Variants in OR52N1 observed in about 807,000 individuals in gnomAD.
OR52N1 encodes olfactory receptor 52N1.
In OR52N1, 11 loss-of-function variants were observed where a neutral mutation model predicts 13.9. That is an observed-to-expected ratio of 0.79 (90% CI 0.50 to 1.31). OR52N1 has a LOEUF of 1.31. Ranked by LOEUF, OR52N1 falls within the 40% of genes most tolerant of loss-of-function variation. OR52N1 has a pLI of 0.00. For missense variants in OR52N1, 414 were observed against 397.7 expected (o/e 1.04, Z -0.35); for synonymous variants, 142 against 143.7 (o/e 0.99, Z 0.08).
chr11:5,788,851 A>C lies in OR52N1; in HGVS notation c.-35T>G. On this transcript the variant is annotated 5_prime_UTR_variant, in exon 2 of 2. Coordinates refer to ENST00000641645, the MANE Select transcript of OR52N1 (RefSeq NM_001001913.2). The stretch of plus-strand genomic sequence containing the variant: ...TGGAAGTTCATTGTATAGCAGTTAT[A>C]GCATTGCCTCTGTGAGCAGGAAATA... 2 of 1,531,866 alleles carry C rather than the reference A, an allele frequency of 1.3e-6. No individual in the cohort carries two copies. Among genetic ancestry groups the C allele is most frequent in the Non-Finnish European group, 1.7e-6 (2 of 1,147,216 alleles). 94.9% of individuals were successfully genotyped at this position (1,531,866 alleles called of 1,614,324 possible).
At position 5,788,856 on chromosome 11, in the gene OR52N1, T is replaced by G; in HGVS notation, c.-40A>C. On this transcript the variant is annotated 5_prime_UTR_variant, in exon 2 of 2. Transcript: ENST00000641645. Reference sequence around the variant, plus strand: ...GTTCATTGTATAGCAGTTATAGCATTGCCTCTGTGAGCAGGAAATAAAAAA... The same window carrying G: ...GTTCATTGTATAGCAGTTATAGCATGGCCTCTGTGAGCAGGAAATAAAAAA... The G allele has an allele frequency of 6.7e-7, 1 of 1,500,578 alleles. No individual in the cohort carries two copies. The allele number at this position is 1,500,578 out of a possible 1,614,324, so 93.0% of individuals were successfully genotyped here. A position where few individuals can be genotyped will look rare whatever the true frequency, so the allele number is the denominator to read the frequency against.
chr11:5,787,993 A>G lies in OR52N1; in HGVS notation c.824T>C (p.Ile275Thr), dbSNP rs1402246900. The change falls in exon 2 of 2, where the codon ATA becomes ACA. Residue 275 changes from isoleucine (I) to threonine (T), a missense_variant. Physicochemically the swap from Ile to Thr is moderately conservative, Grantham distance 89. Transcript: ENST00000641645. ...HFGGHTIPLH[I>T]HIIMANLYLL... ...GTAGAGATTAGCCATAATAATATGT[A>G]TGTGTAGAGGAATGGTGTGTCCCCC... The G allele has an allele frequency of 3.0e-6, 4 of 1,340,654 alleles. 1 individual carries two copies. The East Asian group carries it at 8.8e-5, about 30-fold the overall frequency. 83.0% of individuals were successfully genotyped at this position (1,340,654 alleles called of 1,614,324 possible). A position where few individuals can be genotyped will look rare whatever the true frequency, so the allele number is the denominator to read the frequency against.
intron 1 of OR52N1, among the ~76,000 whole-genome samples, chr11:5,789,110 G>A (rs1235927571): frequency 1.3e-5 from 2 of 152,060 alleles, no homozygotes; most frequent in African/African-American, 2.4e-5. Context: ...CCATTCTCCA[G>A]GCCAACGTTG....
intron 1 of OR52N1, among the ~76,000 whole-genome samples, chr11:5,790,627 A>T (rs1481588396): frequency 6.6e-6 from 1 of 152,072 alleles, no homozygotes; most frequent in Non-Finnish European, 1.5e-5. Flanking sequence ...CAGCTACTGT[A>T]ATCTGCACCC....
chr11:5,788,564 A>G lies in OR52N1; in HGVS notation c.253T>C (p.Phe85Leu), dbSNP rs1348038876. The G allele has an allele frequency of 6.2e-7, 1 of 1,613,674 alleles. No individual in the cohort carries two copies. The highest frequency in any genetic ancestry group is 1.1e-5 in the South Asian group (1 of 91,052). ...TCCTTGAGATTAAACCACAATATGA[A>G]GAGAGTGTTGGGAAGGGTGCTGGTG... The part of the protein sequence containing the change: ...MCTSTLPNTL[F>L]ILWFNLKEID... Residue 85 changes from phenylalanine (F) to leucine (L), a missense_variant, in exon 2 of 2, where the codon TTC (phenylalanine) becomes CTC (leucine). By Grantham distance (22) the Phe-to-Leu change is conservative (BLOSUM62 0). Coordinates refer to ENST00000641645, the MANE Select transcript of OR52N1 (RefSeq NM_001001913.2).
At position 5,787,941 on chromosome 11, in the gene OR52N1, A is replaced by G; in HGVS notation, c.876T>C (p.Pro292=). ...LYLLMPPTMN[P]IVYGVKTRQV... Reference sequence around the variant, plus strand: ...GCCTGGTTTTCACCCCATACACAATAGGGTTCATTGTGGGAGGCATTAGTA... The same window carrying G: ...GCCTGGTTTTCACCCCATACACAATGGGGTTCATTGTGGGAGGCATTAGTA... Residue 292 remains proline (P), a synonymous_variant, in exon 2 of 2, where the codon CCT becomes CCC. Transcript: ENST00000641645. The G allele has an allele frequency of 6.6e-7, 1 of 1,516,962 alleles. No homozygotes were observed. Among genetic ancestry groups the G allele is most frequent in the Non-Finnish European group, 9.0e-7 (1 of 1,110,470 alleles). The allele number at this position is 1,516,962 out of a possible 1,614,324, so 94.0% of individuals were successfully genotyped here.
At position 5,787,713 on chromosome 11, in the gene OR52N1, T is replaced by C. The variant is rs1450882853; in HGVS notation, c.*141A>G. 1.6e-5 allele frequency: 12 copies of C among 760,056 alleles called. 1 individual carries two copies. The highest frequency in any genetic ancestry group is 1.1e-4 in the East Asian group (4 of 38,072). The allele number at this position is 760,056 out of a possible 1,614,324, so 47.1% of individuals were successfully genotyped here. On this transcript the variant is annotated 3_prime_UTR_variant, in exon 2 of 2. Transcript: ENST00000641645. The stretch of plus-strand genomic sequence containing the variant: ...AGGGTATTTACCTATTTGAACATGA[T>C]GGTACCCTTTCCAAAGATGTAGAGT...
Position 5,788,101 on chromosome 11 carries a change from G to T in OR52N1, c.716C>A (p.Ala239Asp). ...SLSSADARQK[A>D]FSTCTAHFCA... ...GAAGTGGGCAGTGCAGGTGCTGAAG[G>T]CCTTCTGTCGAGCATCTGCTGATGA... The change falls in exon 2 of 2, where the codon GCC (alanine) becomes GAC (aspartate). Residue 239 changes from alanine (A) to aspartate (D), a missense_variant. By Grantham distance (126) the Ala-to-Asp change is moderately radical. Coordinates refer to ENST00000641645, the MANE Select transcript of OR52N1 (RefSeq NM_001001913.2). The T allele has an allele frequency of 6.2e-7, 1 of 1,614,026 alleles. No individual in the cohort carries two copies.
Position 5,788,705 on chromosome 11 carries a change from T to C in OR52N1, c.112A>G (p.Ser38Gly), listed in dbSNP as rs1854625189. 2 of 1,613,894 alleles carry C rather than the reference T, an allele frequency of 1.2e-6. No individual in the cohort carries two copies. The highest frequency in any genetic ancestry group is 2.2e-5 in the East Asian group (1 of 44,812). The change falls in exon 2 of 2, where the codon AGC (serine) becomes GGC (glycine). Residue 38 changes from serine to glycine, a missense_variant. Physicochemically the swap from Ser to Gly is moderately conservative, Grantham distance 56. Coordinates refer to ENST00000641645, the MANE Select transcript of OR52N1 (RefSeq NM_001001913.2). ...WISFPLCTMY[S>G]IAITGNFGLM... ...CCGAAGTTCCCTGTAATAGCAATGC[T>C]GTACATGGTACACAGTGGGAAGGAG...
chr11:5,789,671 C>G (rs1854635283), intron 1 of OR52N1, among the ~76,000 whole-genome samples: 1 of 151,998 alleles, frequency 6.6e-6, no homozygotes, highest in Non-Finnish European at 1.5e-5. Context: ...CTACCCATAT[C>G]AAAACTTCAG....
In OR52N1 at chr11:5,788,710, A is replaced by G. The variant is rs374600480; in HGVS notation, c.107T>C (p.Met36Thr). ...HLWISFPLCT[M>T]YSIAITGNFG... is the part of the protein sequence containing the mutation. ...GTTCCCTGTAATAGCAATGCTGTAC[A>G]TGGTACACAGTGGGAAGGAGATCCA... The change falls in exon 2 of 2, where the codon ATG (methionine) becomes ACG (threonine). Residue 36 changes from methionine to threonine, a missense_variant. Coordinates refer to ENST00000641645, the MANE Select transcript of OR52N1 (RefSeq NM_001001913.2). 24 of 1,613,764 alleles carry G rather than the reference A, an allele frequency of 1.5e-5. No homozygotes were observed. Among genetic ancestry groups the G allele is most frequent in the Non-Finnish European group, 1.9e-5 (23 of 1,179,950 alleles).
Position 5,788,642 on chromosome 11 carries a change from T to C in OR52N1, c.175A>G (p.Arg59Gly). ...AGGGCAAGGAAGACATACATAGGTCTGTGTAAGGCCTCATCACAGTAGATG... is the reference window on the plus strand; with the variant it reads ...AGGGCAAGGAAGACATACATAGGTCCGTGTAAGGCCTCATCACAGTAGATG... ...YLIYCDEALH[R>G]PMYVFLALLS... is the part of the protein sequence containing the mutation. The change falls in exon 2 of 2, where the codon AGA (arginine) becomes GGA (glycine). Residue 59 changes from arginine (R) to glycine (G), a missense_variant. By Grantham distance (125) the Arg-to-Gly change is moderately radical (BLOSUM62 -2). Coordinates refer to ENST00000641645, the MANE Select transcript of OR52N1 (RefSeq NM_001001913.2). The C allele has an allele frequency of 6.2e-7, 1 of 1,614,058 alleles. No individual in the cohort carries two copies. The highest frequency in any genetic ancestry group is 8.5e-7 in the Non-Finnish European group (1 of 1,179,982).
intron 1 of OR52N1, among the ~76,000 whole-genome samples, chr11:5,790,073 G>C (rs1397390044): frequency 6.6e-6 from 1 of 152,010 alleles, no homozygotes; most frequent in Non-Finnish European, 1.5e-5. Flanking sequence ...AACTAAGTAG[G>C]CTTTCTAATT....
rs1854616242 is a variant in OR52N1, at chr11:5,788,220, G to T, written c.597C>A (p.Ile199=). Residue 199 remains isoleucine (I), a synonymous_variant, in exon 2 of 2, where the codon ATC becomes ATA. Transcript: ENST00000641645. ...ISCGNVRVNA[I]YGLIVALLIG... ...TCAGCAGGGCAACTATCAAACCATA[G>T]ATGGCGTTAACCCTGACATTACCAC... 6.2e-7 allele frequency: 1 copy of T among 1,614,060 alleles called. No homozygotes were observed. Among genetic ancestry groups the T allele is most frequent in the Non-Finnish European group, 8.5e-7 (1 of 1,179,994 alleles).
rs1362316445 is a variant in OR52N1 at position 5,788,587 on chromosome 11, G to C, written c.230C>G (p.Thr77Ser). Residue 77 changes from threonine to serine, a missense_variant, in exon 2 of 2, where the codon ACC becomes AGC. Physicochemically the swap from Thr to Ser is moderately conservative, Grantham distance 58 (BLOSUM62 1). Coordinates refer to ENST00000641645, the MANE Select transcript of OR52N1 (RefSeq NM_001001913.2). ...LLSFTDVLMC[T>S]STLPNTLFIL... ...GAAGAGAGTGTTGGGAAGGGTGCTG[G>C]TGCACATGAGCACATCTGTGAAGGA... 1.9e-6 allele frequency: 3 copies of C among 1,613,798 alleles called. No homozygotes were observed. In the Admixed American group the frequency reaches 5.0e-5, roughly 27 times the overall value.
chr11:5,789,081 G>C (rs940428140), intron 1 of OR52N1, among the ~76,000 whole-genome samples: 2 of 152,124 alleles, frequency 1.3e-5, no homozygotes, highest in Non-Finnish European at 2.9e-5. Flanking sequence ...AATATCTGGG[G>C]TCTTTGTTAT....
intron 1 of OR52N1, 137 bp from the exon 2 acceptor site, chr11:5,788,997 C>T: frequency 1.5e-6 from 1 of 678,664 alleles, no homozygotes; most frequent in Non-Finnish European, 2.4e-6. Context: ...GTGATATATA[C>T]ACTGTCTGGG....
intron 1 of OR52N1, among the ~76,000 whole-genome samples, chr11:5,790,536 A>T (rs1213575005): frequency 6.6e-6 from 1 of 152,118 alleles, no homozygotes; most frequent in Non-Finnish European, 1.5e-5. Context: ...AATGGAACAT[A>T]CAAGCCAGTT....
intron 1 of OR52N1, among the ~76,000 whole-genome samples, chr11:5,789,725 T>C (rs1854635849): frequency 6.6e-6 from 1 of 152,154 alleles, no homozygotes; most frequent in South Asian, 2.1e-4. Context: ...AAGAATATTT[T>C]TATCAAATAT....
Sources: allele counts gnomAD v4.1 joint callset (sites outside exome capture counted in the v4.1 genomes callset), GRCh38; gene constraint gnomAD v4.1.1; transcripts MANE v1.5; gene names NCBI Gene and HGNC (gene_info 2026-07-23, HGNC 2026-07-21).